The following NRP2 variants were observed in gnomAD, a reference collection of about 807,000 sequenced individuals.
NRP2 encodes neuropilin 2, also known as neuropilin-2.
Under a neutral mutation model 110.4 loss-of-function variants are expected in NRP2, and 52 were observed. The ratio of observed to expected loss-of-function variants is 0.47; its 90% CI spans 0.38 to 0.59. The LOEUF is 0.59. Ranked by LOEUF, NRP2 falls within the 20% of genes least tolerant of loss-of-function variation. The pLI is 0.00. For synonymous variants in NRP2, 508 were observed against 468.9 expected (o/e 1.08, Z -1.08); for missense variants, 1,049 against 1,203.0 (o/e 0.87, Z 1.89).
At chr2:205,782,810 G>A (rs2058191110) in intron 15 of NRP2, among the ~76,000 whole-genome samples, 1 of 151,546 alleles carries the variant, frequency 6.6e-6, no homozygotes, top group African/African-American at 2.4e-5. Flanking sequence ...ATATGCCAGA[G>A]TGTATTAACT....
At position 205,728,018 on chromosome 2, in the gene NRP2, T is replaced by C. The variant is rs1463364572; in HGVS notation, c.1118T>C (p.Met373Thr). Reference sequence around the variant, plus strand: ...GTCAGCACTAATGGAGAGGACTGGATGGTGTACCGGCATGGCAAAAACCAC... The same window carrying C: ...GTCAGCACTAATGGAGAGGACTGGACGGTGTACCGGCATGGCAAAAACCAC... Reference protein sequence around the residue: ...LEVSTNGEDWMVYRHGKNHKV... With the variant: ...LEVSTNGEDWTVYRHGKNHKV... Residue 373 changes from methionine (M) to threonine (T), a missense_variant, in exon 7 of 17, where the codon ATG (methionine) becomes ACG (threonine). Met to Thr is a moderately conservative substitution (Grantham distance 81). Transcript: ENST00000357785. The C allele has an allele frequency of 6.2e-7, 1 of 1,614,146 alleles. No homozygotes were observed. Among genetic ancestry groups the C allele is most frequent in the East Asian group, 2.2e-5 (1 of 44,876 alleles).
chr2:205,734,304 A>T (rs1306469610), intron 7 of NRP2, among the ~76,000 whole-genome samples: 2 of 152,082 alleles, frequency 1.3e-5, no homozygotes, highest in African/African-American at 4.8e-5. Flanking sequence ...ACAAGTTTTT[A>T]AATTGTCTTT....
chr2:205,765,210 A>G (rs2057894362), intron 13 of NRP2, among the ~76,000 whole-genome samples: 1 of 152,160 alleles, frequency 6.6e-6, no homozygotes, highest in African/African-American at 2.4e-5. Context: ...AATACATTCT[A>G]GTTACTGGAC....
At chr2:205,700,855 G>T (rs2105895684) in intron 2 of NRP2, 2 of 457,198 alleles carry the variant, frequency 4.4e-6, no homozygotes, top group East Asian at 6.1e-5. Context: ...CAGGCTGTTT[G>T]GGGGCCTGTA....
intron 15 of NRP2, among the ~76,000 whole-genome samples, chr2:205,790,121 A>G (rs890669184): frequency 6.6e-6 from 1 of 152,180 alleles, no homozygotes; most frequent in African/African-American, 2.4e-5. Flanking sequence ...TCAAGCCACT[A>G]AAGTGTTCTT....
intron 8 of NRP2, 53 bp downstream of exon 8, chr2:205,740,716 C>T: frequency 6.2e-7 from 1 of 1,604,348 alleles, no homozygotes; most frequent in Non-Finnish European, 8.5e-7. Context: ...CTAGGCTCTG[C>T]TCCCTTTCAA....
chr2:205,794,667 T>A (rs1330810927), intron 16 of NRP2, 87 bp from the exon 17 acceptor site: 1 of 1,378,474 alleles, frequency 7.3e-7, no homozygotes, highest in African/African-American at 1.4e-5. Flanking sequence ...TACTGTGCTC[T>A]GAAGAGCCTC....
chr2:205,751,425 C>T lies in NRP2; in HGVS notation c.1904-1410C>T, dbSNP rs76442579. Reference sequence around the variant, plus strand: ...GGATTTATGCTATATTGAATTACTTCGTATTTTTGAAGAGAAAAATAGAAA... The same window carrying T: ...GGATTTATGCTATATTGAATTACTTTGTATTTTTGAAGAGAAAAATAGAAA... On this transcript the variant is annotated intron_variant, in intron 11 of 16. Transcript: ENST00000357785. Among the ~76,000 whole-genome samples, 986 of 152,146 alleles carry T rather than the reference C, an allele frequency of 6.5e-3. 8 individuals are homozygous for T. Among genetic ancestry groups the T allele is most frequent in the Non-Finnish European group, 0.012 (788 of 68,002 alleles).
chr2:205,755,653 A>G lies in NRP2; in HGVS notation c.2044+2678A>G, dbSNP rs887155355. 2.0e-5 allele frequency among the ~76,000 whole-genome samples: 3 copies of G among 149,576 alleles called. No homozygotes were observed. The East Asian group carries it at 5.9e-4, about 29-fold the overall frequency. ...GGGAGGCCCTGAGGGGATTGGGGAG[A>G]AGGGAAGCAGCTGGCTTGGTTGGGG... On this transcript the variant is annotated intron_variant, in intron 12 of 16. Transcript: ENST00000357785.
chr2:205,774,978 A>C (rs2058076207), intron 15 of NRP2, among the ~76,000 whole-genome samples: 1 of 152,122 alleles, frequency 6.6e-6, no homozygotes, highest in Admixed American at 6.5e-5. Context: ...CCCCGTTTGC[A>C]TCTTGAGCAG....
At chr2:205,791,329 C>T (rs1409063084) in intron 15 of NRP2, among the ~76,000 whole-genome samples, 1 of 152,208 alleles carries the variant, frequency 6.6e-6, no homozygotes, top group Non-Finnish European at 1.5e-5. Flanking sequence ...CTGGGGCTGT[C>T]TTGAGCTGAC....
At chr2:205,694,570 T>C (rs2056383212) in intron 1 of NRP2, among the ~76,000 whole-genome samples, 1 of 152,234 alleles carries the variant, frequency 6.6e-6, no homozygotes, top group African/African-American at 2.4e-5. Flanking sequence ...CAATTTCCCC[T>C]CTGTACATGG....
intron 10 of NRP2, among the ~76,000 whole-genome samples, chr2:205,748,701 A>G (rs912356724): frequency 6.6e-6 from 1 of 152,214 alleles, no homozygotes; most frequent in Non-Finnish European, 1.5e-5. Flanking sequence ...ATGTATAGAA[A>G]TGAGAGGGAC....
intron 3 of NRP2, among the ~76,000 whole-genome samples, chr2:205,720,162 TA>T (rs1333965383): frequency 6.6e-6 from 1 of 151,318 alleles, no homozygotes; most frequent in East Asian, 2.0e-4. Flanking sequence ...TTTTTCTGCA[TA>T]AAAATAGATA....
chr2:205,710,381 A>T (rs2105777532), intron 2 of NRP2, among the ~76,000 whole-genome samples: 1 of 152,366 alleles, frequency 6.6e-6, no homozygotes, highest in Non-Finnish European at 1.5e-5. Flanking sequence ...TAATTGTAAC[A>T]GGGCCTGGTT....
intron 1 of NRP2, chr2:205,685,813 G>T (rs1468814924): frequency 6.6e-6 from 1 of 152,526 alleles, no homozygotes; most frequent in Non-Finnish European, 1.5e-5. Context: ...CCAAGCGCTG[G>T]CCCAACTAGG....
chr2:205,726,419 C>T (rs2057129651), intron 6 of NRP2, among the ~76,000 whole-genome samples: 1 of 152,102 alleles, frequency 6.6e-6, no homozygotes, highest in Admixed American at 6.5e-5. Context: ...AGGGAGGCAT[C>T]AGGGACATGG....
chr2:205,695,843 A>T (rs1425280000), intron 1 of NRP2, among the ~76,000 whole-genome samples: 1 of 152,034 alleles, frequency 6.6e-6, no homozygotes, highest in Non-Finnish European at 1.5e-5. Context: ...AGCATGGGTG[A>T]GTGGTGTGGG....
At position 205,752,866 on chromosome 2, in the gene NRP2, T is replaced by A. The variant is rs760113411; in HGVS notation, c.1935T>A (p.Asn645Lys). The change falls in exon 12 of 17, where the codon AAT becomes AAA. Residue 645 changes from asparagine (N) to lysine (K), a missense_variant. Asn to Lys is a moderately conservative substitution (Grantham distance 94). Coordinates refer to ENST00000357785, the MANE Select transcript of NRP2 (RefSeq NM_003872.3). Reference sequence around the variant, plus strand: ...ATTTGCAGCTCCCTTCGGGATTCAATTGCAACTTCGATTTCCTCGAGGAGC... The same window carrying A: ...ATTTGCAGCTCCCTTCGGGATTCAAATGCAACTTCGATTTCCTCGAGGAGC... ...DKDLQLPSGF[N>K]CNFDFLEEPC... The A allele has an allele frequency of 1.2e-6, 2 of 1,614,218 alleles. No individual in the cohort carries two copies. Among genetic ancestry groups the A allele is most frequent in the South Asian group, 1.1e-5 (1 of 91,084 alleles).
Sources: gnomAD v4.1 joint callset for allele counts (sites outside exome capture counted in the v4.1 genomes callset) on GRCh38, gnomAD v4.1.1 for gene constraint, MANE v1.5 for transcripts, NCBI Gene and HGNC (gene_info 2026-07-23, HGNC 2026-07-21) for gene names.